DYNC2H1: variants seen among roughly 807,000 people sequenced by gnomAD.
The protein encoded by DYNC2H1 is cytoplasmic dynein 2 heavy chain 1.
DYNC2H1 carries 410 observed loss-of-function variants against 570.0 expected under a neutral mutation model. The observed-to-expected ratio is 0.72, with a 90% CI of 0.66 to 0.78. The LOEUF (loss-of-function observed/expected upper bound fraction) is 0.78, where lower values mean the gene tolerates loss of function less well. DYNC2H1 is among the 30% of genes least tolerant of loss of function. The pLI is 0.00. For missense variants in DYNC2H1, 4,865 were observed against 5,046.4 expected (o/e 0.96, Z 1.09); for synonymous variants, 1,688 against 1,677.6 (o/e 1.01, Z -0.15).
chr11:103,420,552 TA>T (rs1203132972), intron 84 of DYNC2H1, among the ~76,000 whole-genome samples: 1 of 152,054 alleles, frequency 6.6e-6, no homozygotes, highest in Non-Finnish European at 1.5e-5. Context: ...CTACAAGCCA[TA>T]AGAGATTGGG....
chr11:103,245,185 A>G lies in DYNC2H1; in HGVS notation c.9919-66A>G, dbSNP rs1483960330. ...TTTTGAAATTACTGTAGAAAATCAA[A>G]GAAAGGATGTTTGTAAATATTAAAG... On this transcript the variant is annotated intron_variant, in intron 64 of 88. Coordinates refer to ENST00000375735, the MANE Select transcript of DYNC2H1 (RefSeq NM_001377.3). The surrounding 1 kb of genome is among the most constrained non-coding windows in gnomAD (Gnocchi z 4.5). 3.1e-6 allele frequency: 4 copies of G among 1,307,290 alleles called. No individual in the cohort carries two copies. The highest frequency in any genetic ancestry group is 4.1e-6 in the Non-Finnish European group (4 of 964,048). 81.0% of individuals were successfully genotyped at this position (1,307,290 alleles called of 1,614,324 possible).
rs1865586198 is a variant in DYNC2H1, at chr11:103,268,399, A to G, written c.10695+8422A>G. On this transcript the variant is annotated intron_variant, in intron 70 of 88. Transcript: ENST00000375735. This position sits in a 1 kb window ranked among gnomAD's most constrained non-coding sequence, Gnocchi z 4.6. ...GATATTTTAAATAAGCTTTTGCTTT[A>G]TATAGAAAAAGTCTATTTTGCTGTA... Among the ~76,000 whole-genome samples, 1 of 151,932 alleles carries G rather than the reference A, an allele frequency of 6.6e-6. No individual in the cohort carries two copies. Among genetic ancestry groups the G allele is most frequent in the African/African-American group, 2.4e-5 (1 of 41,420 alleles).
chr11:103,284,484 A>C (rs967622531), intron 73 of DYNC2H1, among the ~76,000 whole-genome samples: 1 of 152,218 alleles, frequency 6.6e-6, no homozygotes, highest in African/African-American at 2.4e-5. Context: ...TTACCTTGTC[A>C]TAATGGTTGA....
chr11:103,426,254 A>G (rs1943668354), intron 84 of DYNC2H1, among the ~76,000 whole-genome samples: 1 of 152,194 alleles, frequency 6.6e-6, no homozygotes, highest in African/African-American at 2.4e-5. Context: ...TGCTGTCAGT[A>G]AATATGTGGG....
chr11:103,188,769 C>G (rs1862180621), intron 44 of DYNC2H1, 121 bp downstream of exon 44: 1 of 842,304 alleles, frequency 1.2e-6, no homozygotes, highest in Non-Finnish European at 1.6e-6. Context: ...CAAACTTAAC[C>G]TCTGATATTT....
intron 79 of DYNC2H1, among the ~76,000 whole-genome samples, chr11:103,312,824 CATACCAGT>C (rs370041397): frequency 6.6e-6 from 1 of 152,244 alleles, no homozygotes; most frequent in African/African-American, 2.4e-5. Context: ...TTGTATTCCC[CATACCAGT>C]CAGTTCTTCC....
In DYNC2H1 at chr11:103,334,627, T is replaced by C. The variant is rs1947409472; in HGVS notation, c.12039+10637T>C. On this transcript the variant is annotated intron_variant, in intron 82 of 88. Coordinates refer to ENST00000375735, the MANE Select transcript of DYNC2H1 (RefSeq NM_001377.3). This position sits in a 1 kb window ranked among gnomAD's most constrained non-coding sequence, Gnocchi z 4.3. ...TCAATATAAATAACATATAAATACG[T>C]GTCTTAAATTTGAAGATTTTGATAT... is the stretch of plus-strand genomic sequence containing the variant. Among the ~76,000 whole-genome samples, 1 of 152,102 alleles carries C rather than the reference T, an allele frequency of 6.6e-6. No individual in the cohort carries two copies. Among genetic ancestry groups the C allele is most frequent in the African/African-American group, 2.4e-5 (1 of 41,442 alleles).
chr11:103,243,662 A>C lies in DYNC2H1; in HGVS notation c.9820-31A>C. 1 of 1,467,940 alleles carries C rather than the reference A, an allele frequency of 6.8e-7. No homozygotes were observed. The highest frequency in any genetic ancestry group is 9.3e-7 in the Non-Finnish European group (1 of 1,073,454). 90.9% of individuals were successfully genotyped at this position (1,467,940 alleles called of 1,614,324 possible). On this transcript the variant is annotated intron_variant, in intron 63 of 88. Coordinates refer to ENST00000375735, the MANE Select transcript of DYNC2H1 (RefSeq NM_001377.3). The surrounding 1 kb of genome is among the most constrained non-coding windows in gnomAD (Gnocchi z 4.8). Reference sequence around the variant, plus strand: ...TTAAATGAAAGCTTATAATCATTAAAAAACATTACTTTTCCTTTTTTTTAT... The same window carrying C: ...TTAAATGAAAGCTTATAATCATTAACAAACATTACTTTTCCTTTTTTTTAT...
Position 103,163,837 on chromosome 11 carries a change from C to T in DYNC2H1, c.4611+690C>T, listed in dbSNP as rs1861194255. Among the ~76,000 whole-genome samples, 1 of 152,050 alleles carries T rather than the reference C, an allele frequency of 6.6e-6. No individual in the cohort carries two copies. Among genetic ancestry groups the T allele is most frequent in the Non-Finnish European group, 1.5e-5 (1 of 68,016 alleles). On this transcript the variant is annotated intron_variant, in intron 30 of 88. Coordinates refer to ENST00000375735, the MANE Select transcript of DYNC2H1 (RefSeq NM_001377.3). This position sits in a 1 kb window ranked among gnomAD's most constrained non-coding sequence, Gnocchi z 4.6. ...TCATGATTTCTTACAGAAAAATCTA[C>T]CCAGCAGCTCTCAAAGTTATTTGCT...
At chr11:103,109,864 A>G in intron 1 of DYNC2H1, 95 bp downstream of exon 1, 1 of 1,307,468 alleles carries the variant, frequency 7.6e-7, no homozygotes, top group South Asian at 1.6e-5. Flanking sequence ...TAGCTTTACC[A>G]ACCAGATCCT....
At chr11:103,435,146 C>T (rs772621600) in intron 84 of DYNC2H1, among the ~76,000 whole-genome samples, 2 of 152,252 alleles carry the variant, frequency 1.3e-5, no homozygotes, top group South Asian at 2.1e-4. Flanking sequence ...GTCCTTTCTA[C>T]TCTAAATTTG....
intron 1 of DYNC2H1, among the ~76,000 whole-genome samples, chr11:103,111,516 T>G (rs1858111317): frequency 6.6e-6 from 1 of 152,206 alleles, no homozygotes; most frequent in African/African-American, 2.4e-5. Flanking sequence ...TTTCTGCCTT[T>G]CCTAGACTCA....
At chr11:103,173,041 A>G in intron 34 of DYNC2H1, 41 bp from the exon 35 acceptor site, 2 of 1,028,842 alleles carry the variant, frequency 1.9e-6, no homozygotes, top group Non-Finnish European at 2.5e-6. Context: ...TTTTAACTTA[A>G]TATTTAATAT....
At chr11:103,233,830 A>G (rs925680803) in intron 60 of DYNC2H1, among the ~76,000 whole-genome samples, 4 of 75,872 alleles carry the variant, frequency 5.3e-5, no homozygotes, top group East Asian at 3.3e-4. Context: ...GCTACACTTT[A>G]TGTGTGTGTG....
At chr11:103,219,143 G>C (rs652834) in intron 55 of DYNC2H1, among the ~76,000 whole-genome samples, 3 of 152,158 alleles carry the variant, frequency 2.0e-5, no homozygotes, top group African/African-American at 4.8e-5. Flanking sequence ...CTTTAATGTC[G>C]GCTATTTGGG....
intron 84 of DYNC2H1, among the ~76,000 whole-genome samples, chr11:103,419,634 A>T (rs117021498): frequency 6.6e-6 from 1 of 152,166 alleles, no homozygotes; most frequent in African/African-American, 2.4e-5. Context: ...CCCAAAGGTC[A>T]GCAACCTCAA....
intron 82 of DYNC2H1, among the ~76,000 whole-genome samples, chr11:103,331,981 A>G (rs890926257): frequency 6.6e-6 from 1 of 150,400 alleles, no homozygotes; most frequent in Admixed American, 6.7e-5. Flanking sequence ...AATTGCTTGA[A>G]CCCGGGAGGC....
At chr11:103,242,755 T>A (rs1365028237) in intron 63 of DYNC2H1, among the ~76,000 whole-genome samples, 2 of 152,102 alleles carry the variant, frequency 1.3e-5, no homozygotes, top group African/African-American at 4.8e-5. Flanking sequence ...AGATGGAGTC[T>A]CTGTCGCCAG....
At chr11:103,188,013 G>T (rs1484523166) in intron 43 of DYNC2H1, among the ~76,000 whole-genome samples, 2 of 151,904 alleles carry the variant, frequency 1.3e-5, no homozygotes, top group Non-Finnish European at 2.9e-5. Flanking sequence ...AAGGATTTGA[G>T]ATCACATATC....
Sources: gnomAD v4.1 joint callset for allele counts (sites outside exome capture counted in the v4.1 genomes callset) on GRCh38, gnomAD v4.1.1 for gene constraint, Gnocchi (gnomAD v3.1) non-coding constraint, MANE v1.5 for transcripts, NCBI Gene and HGNC (gene_info 2026-07-23, HGNC 2026-07-21) for gene names.